HDAC5: variants seen among roughly 807,000 people sequenced by gnomAD.
The protein encoded by HDAC5 is antigen NY-CO-9.
In HDAC5, 25 loss-of-function variants were observed where a neutral mutation model predicts 133.3. The ratio of observed to expected loss-of-function variants is 0.19; its 90% confidence interval spans 0.14 to 0.26. The LOEUF is 0.26. Ranked by LOEUF, HDAC5 falls within the 10% of genes least tolerant of loss-of-function variation. The probability of loss-of-function intolerance (pLI) is 1.00; values close to 1 mark genes in which losing one functional copy is unlikely to be tolerated. For synonymous variants in HDAC5, 589 were observed against 610.8 expected (o/e 0.96, Z 0.53); for missense variants, 1,041 against 1,460.5 (o/e 0.71, Z 4.68).
intron 23 of HDAC5, among the ~76,000 whole-genome samples, chr17:44,079,821 C>T (rs1426615049): frequency 1.3e-5 from 2 of 152,050 alleles, no homozygotes; most frequent in African/African-American, 4.8e-5. Flanking sequence ...GACTCCAATC[C>T]AATGACAAGG....
At chr17:44,094,172 A>T (rs1376707856) in intron 3 of HDAC5, among the ~76,000 whole-genome samples, 1 of 151,882 alleles carries the variant, frequency 6.6e-6, no homozygotes, top group African/African-American at 2.4e-5. Flanking sequence ...AAAATACAAA[A>T]ATTATTTGGG....
chr17:44,111,695 TGA>T (rs1231829338), intron 2 of HDAC5: 1 of 516,022 alleles, frequency 1.9e-6, no homozygotes, highest in South Asian at 1.4e-5. Context: ...CCCACAGAGT[TGA>T]GAGGTGCCTC....
chr17:44,115,441 C>A (rs1009696944), intron 2 of HDAC5, among the ~76,000 whole-genome samples: 1 of 152,202 alleles, frequency 6.6e-6, no homozygotes, highest in Admixed American at 6.5e-5. Flanking sequence ...TCTCACTTTA[C>A]TTCCGCCGAG....
chr17:44,114,011 TGCCA>T (rs34566755), intron 2 of HDAC5, among the ~76,000 whole-genome samples: 47,865 of 151,906 alleles, frequency 0.32, 11,805 homozygotes, highest in African/African-American at 0.69. Context: ...AGCTGCCATG[TGCCA>T]GCCAGGCCCC....
At chr17:44,103,892 G>A (rs909823817) in intron 3 of HDAC5, among the ~76,000 whole-genome samples, 8 of 151,768 alleles carry the variant, frequency 5.3e-5, no homozygotes, top group African/African-American at 1.9e-4. Flanking sequence ...ATTTTTAGTA[G>A]AGATGGGGTT....
At chr17:44,109,253 G>A (rs1398521936) in intron 3 of HDAC5, among the ~76,000 whole-genome samples, 2 of 152,216 alleles carry the variant, frequency 1.3e-5, no homozygotes, top group Non-Finnish European at 2.9e-5. Flanking sequence ...AGACCACCTT[G>A]AGTCCCAGAG....
At chr17:44,084,426 A>G in intron 16 of HDAC5, 129 bp downstream of exon 16, 1 of 1,111,506 alleles carries the variant, frequency 9.0e-7, no homozygotes, top group Non-Finnish European at 1.3e-6. Flanking sequence ...TAATTGTGCC[A>G]CCTCTGCCGC....
At chr17:44,099,754 G>A (rs932959598) in intron 3 of HDAC5, among the ~76,000 whole-genome samples, 13 of 152,150 alleles carry the variant, frequency 8.5e-5, no homozygotes, top group Non-Finnish European at 1.6e-4. Flanking sequence ...GATTACCAGC[G>A]TGAGCCACCG....
At chr17:44,091,589 G>A (rs906237115) in intron 10 of HDAC5, 97 bp from the exon 11 acceptor site, 7 of 1,486,940 alleles carry the variant, frequency 4.7e-6, no homozygotes, top group Non-Finnish European at 5.4e-6. Context: ...GCTCTGGGTA[G>A]GGCCAACAGA....
At chr17:44,103,761 T>C (rs1006589877) in intron 3 of HDAC5, among the ~76,000 whole-genome samples, 4 of 150,988 alleles carry the variant, frequency 2.6e-5, no homozygotes, top group Non-Finnish European at 1.5e-5. Context: ...CAGGCTGGAG[T>C]GCAATGGCAC....
At chr17:44,101,410 CAAA>C (rs35671008) in intron 3 of HDAC5, among the ~76,000 whole-genome samples, 20 of 66,796 alleles carry the variant, frequency 3.0e-4, no homozygotes, top group Non-Finnish European at 4.9e-4. Context: ...GACTCCGTCT[CAAA>C]AAAAAAAAAA....
intron 20 of HDAC5, 159 bp downstream of exon 20, chr17:44,082,426 A>C (rs2050438649): frequency 8.2e-6 from 5 of 612,314 alleles, no homozygotes; most frequent in Non-Finnish European, 8.8e-6. Flanking sequence ...GTCATCCGGC[A>C]GGAGCCCCAG....
In HDAC5 at chr17:44,108,768, A is replaced by C. The variant is rs888938836; in HGVS notation, c.94+1961T>G. On this transcript the variant is annotated intron_variant, in intron 3 of 26. Transcript: ENST00000682912. ...CCAGAGTCCAAAAAAAAAACAAAAAAAAAACAAAAAAAAAACAAGGCTGCC... is the reference window on the plus strand; with the variant it reads ...CCAGAGTCCAAAAAAAAAACAAAAACAAAACAAAAAAAAAACAAGGCTGCC... Among the ~76,000 whole-genome samples, 678 of 147,354 alleles carry C rather than the reference A, an allele frequency of 4.6e-3. 19 individuals carry two copies. Among genetic ancestry groups the C allele is most frequent in the African/African-American group, 0.015 (553 of 37,942 alleles).
rs552271825 is a variant in HDAC5, at chr17:44,094,702, T to C, written c.95-868A>G. ...TGACAGATTGTGACTACTCGACGCA[T>C]TTTATGTATCTGTGTGTGTGTGTGT... On this transcript the variant is annotated intron_variant, in intron 3 of 26. Transcript: ENST00000682912. Among the ~76,000 whole-genome samples the C allele has an allele frequency of 3.9e-5, 6 of 151,972 alleles. No individual in the cohort carries two copies. The East Asian group carries it at 1.2e-3, about 29-fold the overall frequency.
intron 20 of HDAC5, chr17:44,081,542 T>C (rs2050389858): frequency 1.3e-5 from 2 of 151,624 alleles, no homozygotes; most frequent in East Asian, 1.9e-4. Flanking sequence ...CATGAGTCAC[T>C]GTACCCGGCC....
rs1276980778 is a variant in HDAC5 at position 44,117,304 on chromosome 17, C to A, written c.22+190G>T. On this transcript the variant is annotated intron_variant, in intron 2 of 26. Transcript: ENST00000682912. The surrounding 1 kb of genome is among the most constrained non-coding windows in gnomAD (Gnocchi z 4.2). ...GACCCATTGCCTTCCCAGGACCAGACCGGACCATCGATCCCTCGATTCCCA... is the reference window on the plus strand; with the variant it reads ...GACCCATTGCCTTCCCAGGACCAGAACGGACCATCGATCCCTCGATTCCCA... Among the ~76,000 whole-genome samples, 1 of 152,206 alleles carries A rather than the reference C, an allele frequency of 6.6e-6. No homozygotes were observed. Among genetic ancestry groups the A allele is most frequent in the Non-Finnish European group, 1.5e-5 (1 of 68,042 alleles).
chr17:44,079,224 G>A lies in HDAC5; in HGVS notation c.2998C>T (p.Leu1000=), dbSNP rs758681427. 1.2e-6 allele frequency: 2 copies of A among 1,613,358 alleles called. No homozygotes were observed. Among genetic ancestry groups the A allele is most frequent in the Admixed American group, 3.3e-5 (2 of 59,998 alleles). ...AAGTCATGGCCTCCCTCCAGGGCCA[G>A]CACCACCCGGCCCCCTGCCAGGGTC... The part of the protein sequence containing the change: ...LMTLAGGRVV[L]ALEGGHDLTA... Residue 1000 remains leucine, a synonymous_variant, in exon 24 of 27, where the codon CTG becomes TTG. Transcript: ENST00000682912.
At chr17:44,088,913 A>T (rs2050797143) in intron 11 of HDAC5, among the ~76,000 whole-genome samples, 1 of 152,030 alleles carries the variant, frequency 6.6e-6, no homozygotes, top group African/African-American at 2.4e-5. Context: ...ACGAACAATG[A>T]CTTTTCTCCC....
At chr17:44,088,000 C>T (rs540805809) in intron 12 of HDAC5, among the ~76,000 whole-genome samples, 2 of 152,234 alleles carry the variant, frequency 1.3e-5, no homozygotes, top group South Asian at 2.1e-4. Context: ...CACGCCACCA[C>T]GCCCAGCTAA....
Sources: gnomAD v4.1 joint callset for allele counts (sites outside exome capture counted in the v4.1 genomes callset) on GRCh38, gnomAD v4.1.1 for gene constraint, Gnocchi (gnomAD v3.1) non-coding constraint, MANE v1.5 for transcripts, NCBI Gene and HGNC (gene_info 2026-07-23, HGNC 2026-07-21) for gene names.